The following KLHL1 variants were observed in gnomAD, a reference collection of about 807,000 sequenced individuals.
The protein encoded by KLHL1 is kelch-like protein 1.
KLHL1 carries 47 observed loss-of-function variants against 77.7 expected under a neutral mutation model. That is an observed-to-expected ratio of 0.60 (90% CI 0.48 to 0.77). KLHL1 has a LOEUF of 0.77. Among genes scored for constraint, KLHL1 ranks in the 30% least tolerant of loss-of-function variants. The pLI is 0.00. For synonymous variants in KLHL1, 360 were observed against 325.2 expected (o/e 1.11, Z -1.15); for missense variants, 925 against 910.8 (o/e 1.02, Z -0.20).
At chr13:70,094,393 T>TTTTATATATATATATATATATATATATA (rs1555296826) in intron 1 of KLHL1, among the ~76,000 whole-genome samples, 1 of 137,228 alleles carries the variant, frequency 7.3e-6, no homozygotes, top group African/African-American at 3.2e-5. Flanking sequence ...GCAATCATCT[T>TTTTATATATATATATATATATATATATA]TATATATATA....
chr13:70,055,568 G>C (rs1409986163), intron 1 of KLHL1, among the ~76,000 whole-genome samples: 2 of 152,002 alleles, frequency 1.3e-5, no homozygotes, highest in East Asian at 1.9e-4. Context: ...TGAGTAGAAA[G>C]AGTAAAAGAC....
At chr13:69,796,687 C>T (rs368988584) in intron 7 of KLHL1, 51 bp downstream of exon 7, 33 of 1,262,792 alleles carry the variant, frequency 2.6e-5, no homozygotes, top group Admixed American at 2.0e-4. Context: ...CATATAGTTA[C>T]ATTATCAATA....
chr13:70,033,160 T>C (rs1215941650), intron 1 of KLHL1, among the ~76,000 whole-genome samples: 1 of 152,194 alleles, frequency 6.6e-6, no homozygotes, highest in Non-Finnish European at 1.5e-5. Flanking sequence ...TTTCATTTTA[T>C]TGACCTATGT....
At chr13:70,029,577 C>T (rs989757228) in intron 1 of KLHL1, among the ~76,000 whole-genome samples, 1 of 152,124 alleles carries the variant, frequency 6.6e-6, no homozygotes, top group Non-Finnish European at 1.5e-5. Flanking sequence ...ACCACCAGGC[C>T]TGCCCTAAAA....
intron 1 of KLHL1, among the ~76,000 whole-genome samples, chr13:69,992,933 AC>A (rs985461960): frequency 2.0e-4 from 30 of 151,906 alleles, no homozygotes; most frequent in Admixed American, 5.9e-4. Context: ...GAAAAAAAAA[AC>A]ATGTACCTTT....
At chr13:69,984,849 C>T (rs1252425508) in intron 1 of KLHL1, among the ~76,000 whole-genome samples, 2 of 152,240 alleles carry the variant, frequency 1.3e-5, no homozygotes, top group Non-Finnish European at 2.9e-5. Context: ...TGGCTCACAC[C>T]TGTAATCCCA....
intron 7 of KLHL1, among the ~76,000 whole-genome samples, chr13:69,742,064 T>G (rs1005193357): frequency 2.0e-5 from 3 of 152,150 alleles, no homozygotes; most frequent in Non-Finnish European, 1.5e-5. Context: ...AGTCACAGTT[T>G]TATCTTCTCT....
chr13:69,712,092 C>T (rs1467825604), intron 9 of KLHL1, among the ~76,000 whole-genome samples: 3 of 151,864 alleles, frequency 2.0e-5, no homozygotes, highest in Non-Finnish European at 4.4e-5. Flanking sequence ...CTAGAATTTG[C>T]CTATATATTG....
intron 4 of KLHL1, among the ~76,000 whole-genome samples, chr13:69,913,440 G>A (rs1434347256): frequency 3.3e-5 from 5 of 152,216 alleles, no homozygotes; most frequent in Non-Finnish European, 4.4e-5. Flanking sequence ...TCATACGCAG[G>A]CACTTAGGGA....
At chr13:69,743,647 A>T (rs991180979) in intron 7 of KLHL1, among the ~76,000 whole-genome samples, 1 of 151,920 alleles carries the variant, frequency 6.6e-6, no homozygotes, top group African/African-American at 2.4e-5. Context: ...TTAGCTGGGC[A>T]TGGTGATGCG....
chr13:70,033,604 CTTTTTTTTTTTTTT>C (rs71116981), intron 1 of KLHL1, among the ~76,000 whole-genome samples: 12 of 47,188 alleles, frequency 2.5e-4, no homozygotes, highest in South Asian at 9.6e-4. Flanking sequence ...CCGCAACTGG[CTTTTTTTTTTTTTT>C]TTTTTTTTTT....
intron 1 of KLHL1, among the ~76,000 whole-genome samples, chr13:70,060,071 C>T (rs1886841337): frequency 6.6e-6 from 1 of 152,216 alleles, no homozygotes; most frequent in South Asian, 2.1e-4. Context: ...ACATAAGGAA[C>T]TTGGAAAAAT....
At chr13:69,798,861 A>G (rs2138042024) in intron 6 of KLHL1, among the ~76,000 whole-genome samples, 1 of 152,202 alleles carries the variant, frequency 6.6e-6, no homozygotes, top group Admixed American at 6.5e-5. Context: ...TGAGGTCAGG[A>G]GACTGAGACC....
intron 7 of KLHL1, among the ~76,000 whole-genome samples, chr13:69,776,924 G>A (rs1175503283): frequency 6.6e-6 from 1 of 151,980 alleles, no homozygotes; most frequent in Admixed American, 6.6e-5. Context: ...AATAATAAAA[G>A]GTTATCAGGT....
At chr13:70,063,097 T>C (rs1331677476) in intron 1 of KLHL1, among the ~76,000 whole-genome samples, 1 of 152,140 alleles carries the variant, frequency 6.6e-6, no homozygotes, top group Non-Finnish European at 1.5e-5. Flanking sequence ...CAGATTCCCC[T>C]GAACAGAACC....
intron 1 of KLHL1, among the ~76,000 whole-genome samples, chr13:70,060,345 G>C (rs1307803087): frequency 6.6e-6 from 1 of 152,144 alleles, no homozygotes; most frequent in Non-Finnish European, 1.5e-5. Context: ...CCACTATAGA[G>C]AACAGTATGC....
In KLHL1 at chr13:69,935,246, T is replaced by G. The variant is rs117228023; in HGVS notation, c.1014+4794A>C. On this transcript the variant is annotated intron_variant, in intron 4 of 10. Transcript: ENST00000377844. ...GTACATAGTTCACCCACTGGTGAACTTGGTACATAGTTCACCTACTGGTGA... is the reference window on the plus strand; with the variant it reads ...GTACATAGTTCACCCACTGGTGAACGTGGTACATAGTTCACCTACTGGTGA... Among the ~76,000 whole-genome samples the G allele has an allele frequency of 3.6e-3, 528 of 148,498 alleles. 4 individuals are homozygous for G. The highest frequency in any genetic ancestry group is 0.015 in the Middle Eastern group (4 of 272).
intron 1 of KLHL1, among the ~76,000 whole-genome samples, chr13:70,005,616 T>G (rs1352636222): frequency 6.6e-6 from 1 of 151,960 alleles, no homozygotes; most frequent in African/African-American, 2.4e-5. Context: ...GTATCTAGTA[T>G]TAATCATATG....
chr13:69,737,360 C>T (rs1015428178), intron 8 of KLHL1, among the ~76,000 whole-genome samples: 6 of 152,214 alleles, frequency 3.9e-5, no homozygotes, highest in Non-Finnish European at 8.8e-5. Context: ...CGTCCACTCC[C>T]GTGGGAAGGA....
Sources: allele counts gnomAD v4.1 joint callset (sites outside exome capture counted in the v4.1 genomes callset), GRCh38; gene constraint gnomAD v4.1.1; transcripts MANE v1.5; gene names NCBI Gene and HGNC (gene_info 2026-07-23, HGNC 2026-07-21).